Variants in NPSR1 observed in about 807,000 individuals in gnomAD.
The protein encoded by NPSR1 is neuropeptide S receptor 1.
A neutral mutation model predicts 46.9 loss-of-function variants in NPSR1; 48 were observed. The ratio of observed to expected loss-of-function variants is 1.02; its 90% CI spans 0.81 to 1.30. NPSR1 has a LOEUF of 1.30. Among genes scored for constraint, NPSR1 ranks in the 50% most tolerant of loss-of-function variants. The pLI is 0.00. For synonymous variants in NPSR1, 176 were observed against 168.1 expected (o/e 1.05, Z -0.36); for missense variants, 450 against 449.5 (o/e 1.00, Z -0.01).
At chr7:34,761,713 T>C (rs1285561951) in intron 2 of NPSR1, among the ~76,000 whole-genome samples, 1 of 152,180 alleles carries the variant, frequency 6.6e-6, no homozygotes, top group Non-Finnish European at 1.5e-5. Flanking sequence ...CCCAGATCAT[T>C]TCTGTGAATT....
At position 34,748,094 on chromosome 7, in the gene NPSR1, T is replaced by C. The variant is rs73325839; in HGVS notation, c.281-30368T>C. Among the ~76,000 whole-genome samples the C allele has an allele frequency of 9.5e-4, 145 of 152,154 alleles. 1 individual carries two copies. Among genetic ancestry groups the C allele is most frequent in the African/African-American group, 3.4e-3 (143 of 41,492 alleles). ...GGCCTCTAATTCAGAGAAAAAGGAG[T>C]TGGACCTCTGCCAGTCATGTACCTG... On this transcript the variant is annotated intron_variant, in intron 2 of 8. Transcript: ENST00000360581.
At chr7:34,827,643 C>CA (rs5883474) in intron 5 of NPSR1, 41 bp downstream of exon 5, 233,758 of 405,310 alleles carry the variant, frequency 0.58, 57,987 homozygotes, top group African/African-American at 0.76. Context: ...GGGGGTGGGG[C>CA]GGGGGGGGCT....
At chr7:34,773,903 A>C (rs1329285650) in intron 2 of NPSR1, among the ~76,000 whole-genome samples, 1 of 152,148 alleles carries the variant, frequency 6.6e-6, no homozygotes, top group East Asian at 1.9e-4. Flanking sequence ...AACGCATGAC[A>C]CAAAAATCTT....
chr7:34,793,624 A>G (rs946812830), intron 3 of NPSR1, among the ~76,000 whole-genome samples: 1 of 152,138 alleles, frequency 6.6e-6, no homozygotes. Context: ...TGTTGGTGGG[A>G]ATGTAAATTA....
At chr7:34,801,851 G>T (rs1199425500) in intron 3 of NPSR1, among the ~76,000 whole-genome samples, 1 of 148,300 alleles carries the variant, frequency 6.7e-6, no homozygotes, top group Admixed American at 6.6e-5. Flanking sequence ...TAAGCTGATA[G>T]GCAACTTCAG....
At chr7:34,863,984 A>G (rs1398304693) in intron 8 of NPSR1, among the ~76,000 whole-genome samples, 1 of 151,904 alleles carries the variant, frequency 6.6e-6, no homozygotes, top group Non-Finnish European at 1.5e-5. Flanking sequence ...CCAAATGTCC[A>G]TCAATAGACT....
At chr7:34,871,076 T>G (rs934915920) in intron 8 of NPSR1, among the ~76,000 whole-genome samples, 11 of 151,818 alleles carry the variant, frequency 7.2e-5, no homozygotes, top group East Asian at 1.9e-4. Context: ...AGTATCTGGG[T>G]CTGGGTAACT....
At chr7:34,801,786 T>C (rs1306667845) in intron 3 of NPSR1, among the ~76,000 whole-genome samples, 1 of 148,996 alleles carries the variant, frequency 6.7e-6, no homozygotes, top group African/African-American at 2.6e-5. Context: ...ATTGTCCCTG[T>C]TTGCAGATGA....
chr7:34,708,092 C>T (rs1794198959), intron 2 of NPSR1, among the ~76,000 whole-genome samples: 1 of 151,984 alleles, frequency 6.6e-6, no homozygotes, highest in Non-Finnish European at 1.5e-5. Flanking sequence ...TCTTTAAAGT[C>T]CCTATCTCTA....
chr7:34,870,745 G>GA (rs1437386521), intron 8 of NPSR1, among the ~76,000 whole-genome samples: 4 of 151,788 alleles, frequency 2.6e-5, no homozygotes, highest in Non-Finnish European at 5.9e-5. Flanking sequence ...GGGAATTTAT[G>GA]AAAATCTTGT....
intron 1 of NPSR1, among the ~76,000 whole-genome samples, chr7:34,672,098 A>G (rs1385937383): frequency 6.6e-6 from 1 of 152,212 alleles, no homozygotes; most frequent in Non-Finnish European, 1.5e-5. Flanking sequence ...TTAGTTTTCC[A>G]TATTTCAAGA....
intron 2 of NPSR1, among the ~76,000 whole-genome samples, chr7:34,767,541 T>C (rs1264529597): frequency 6.6e-6 from 1 of 152,146 alleles, no homozygotes; most frequent in Non-Finnish European, 1.5e-5. Context: ...AATCTGAAGA[T>C]AGATCCATAA....
intron 3 of NPSR1, among the ~76,000 whole-genome samples, chr7:34,802,329 C>T (rs1788461949): frequency 6.7e-6 from 1 of 150,192 alleles, no homozygotes; most frequent in South Asian, 2.1e-4. Flanking sequence ...TACAAGGCTA[C>T]AATAACCAAA....
rs141670910 is a variant in NPSR1 at position 34,862,954 on chromosome 7, A to T, written c.1025+14291A>T. ...ACGACATTAAGATACTACAGCAAGG[A>T]GGCATCGAGCTACCTGACTTCAAAC... On this transcript the variant is annotated intron_variant, in intron 8 of 8. Coordinates refer to the NPSR1 transcript ENST00000359791. Among the ~76,000 whole-genome samples, 95 of 151,928 alleles carry T rather than the reference A, an allele frequency of 6.3e-4. No individual in the cohort carries two copies. The East Asian group carries it at 0.011, about 18-fold the overall frequency.
intron 3 of NPSR1, among the ~76,000 whole-genome samples, chr7:34,790,869 T>A (rs1410657931): frequency 7.7e-6 from 1 of 129,538 alleles, no homozygotes. Flanking sequence ...GTTATATATG[T>A]TATATGTTAT....
chr7:34,663,336 G>A (rs1336063921), intron 1 of NPSR1, among the ~76,000 whole-genome samples: 1 of 151,978 alleles, frequency 6.6e-6, no homozygotes, highest in Non-Finnish European at 1.5e-5. Context: ...CTCAATCCCA[G>A]CGATAATTTC....
At chr7:34,730,883 G>A (rs324383) in intron 2 of NPSR1, among the ~76,000 whole-genome samples, 35,583 of 152,108 alleles carry the variant, frequency 0.23, 4,792 homozygotes, top group African/African-American at 0.39. Context: ...TGAGTGCCTG[G>A]ACAGAATGGA....
At chr7:34,796,479 A>G (rs917888273) in intron 3 of NPSR1, among the ~76,000 whole-genome samples, 1 of 152,210 alleles carries the variant, frequency 6.6e-6, no homozygotes, top group African/African-American at 2.4e-5. Flanking sequence ...CTTAAAGCAC[A>G]ATAGGTAAAT....
intron 2 of NPSR1, among the ~76,000 whole-genome samples, chr7:34,701,214 G>C (rs1001652590): frequency 1.3e-5 from 2 of 152,172 alleles, no homozygotes; most frequent in East Asian, 3.9e-4. Flanking sequence ...ATGCAAGAGA[G>C]ACTTTTTCGG....
Sources: gnomAD v4.1 joint callset for allele counts (sites outside exome capture counted in the v4.1 genomes callset) on GRCh38, gnomAD v4.1.1 for gene constraint, MANE v1.5 for transcripts, NCBI Gene and HGNC (gene_info 2026-07-23, HGNC 2026-07-21) for gene names.